PTPA: variants seen among roughly 807,000 people sequenced by gnomAD.
PTPA encodes the protein serine/threonine-protein phosphatase 2A activator.
Under a neutral mutation model 43.6 loss-of-function variants are expected in PTPA, and 13 were observed. The observed-to-expected ratio is 0.30, with a 90% CI of 0.19 to 0.47. The LOEUF (loss-of-function observed/expected upper bound fraction) is 0.47. Among genes scored for constraint, PTPA ranks in the 20% least tolerant of loss-of-function variants. The probability of loss-of-function intolerance (pLI) is 0.99; values close to 1 mark genes in which losing one functional copy is unlikely to be tolerated. For synonymous variants in PTPA, 172 were observed against 158.2 expected (o/e 1.09, Z -0.66); for missense variants, 329 against 411.9 (o/e 0.80, Z 1.74).
rs1564185626 is a variant in PTPA, at chr9:129,120,538, C to G, written c.57C>G (p.Ala19=). 6.2e-7 allele frequency: 1 copy of G among 1,613,436 alleles called. No individual in the cohort carries two copies. The highest frequency in any genetic ancestry group is 1.3e-5 in the African/African-American group (1 of 74,852). Residue 19 remains alanine (A), a synonymous_variant, in exon 2 of 10, where the codon GCC becomes GCG. Transcript: ENST00000393370. ...PPDSSEEAPP[A]TQNFIIPKKE... ...ATTCTTCAGAGGAGGCCCCTCCAGC[C>G]ACTCAGAACTTCATCATTCCAAAAA...
chr9:129,118,692 T>A (rs2131548688), intron 1 of PTPA, among the ~76,000 whole-genome samples: 1 of 151,942 alleles, frequency 6.6e-6, no homozygotes, highest in African/African-American at 2.4e-5. Flanking sequence ...TTTTTTTTTT[T>A]AAAGTAGAGA....
At chr9:129,121,472 C>CGGCCT (rs1179552995) in intron 2 of PTPA, among the ~76,000 whole-genome samples, 1 of 152,228 alleles carries the variant, frequency 6.6e-6, no homozygotes, top group Non-Finnish European at 1.5e-5. Context: ...ACAGTCCCTT[C>CGGCCT]AGCCTAGGGG....
At chr9:129,112,409 C>T (rs767585074) in intron 1 of PTPA, among the ~76,000 whole-genome samples, 13 of 152,282 alleles carry the variant, frequency 8.5e-5, no homozygotes, top group East Asian at 1.9e-4. Flanking sequence ...CCGACAGAGG[C>T]AAATAGGTTG....
At chr9:129,123,017 C>T (rs1343796253) in intron 2 of PTPA, 35 bp from the exon 3 acceptor site, 2 of 1,539,248 alleles carry the variant, frequency 1.3e-6, no homozygotes, top group African/African-American at 1.4e-5. Flanking sequence ...TCTGCCACCC[C>T]TCTCCCCATC....
upstream of PTPA, chr9:129,110,982 A>G (rs753450286): frequency 7.3e-7 from 1 of 1,370,930 alleles, no homozygotes; most frequent in Non-Finnish European, 9.8e-7. The surrounding 1 kb of genome is among the most constrained non-coding windows in gnomAD (Gnocchi z 5.3). Flanking sequence ...GGAGGAGGTC[A>G]CCGTCCAGCT....
rs1849187254 is a variant in PTPA, at chr9:129,120,556, T to C, written c.75T>C (p.Ile25=). 6.3e-7 allele frequency: 1 copy of C among 1,596,058 alleles called. No homozygotes were observed. The highest frequency in any genetic ancestry group is 1.1e-5 in the South Asian group (1 of 89,142). Residue 25 remains isoleucine, a synonymous_variant, in exon 2 of 10, where the codon ATT becomes ATC. Transcript: ENST00000393370. ...EAPPATQNFI[I]PKKEIHTVPD... ...CTCCAGCCACTCAGAACTTCATCATTCCAAAAAAGGAGATCCACACAGTTC... is the reference window on the plus strand; with the variant it reads ...CTCCAGCCACTCAGAACTTCATCATCCCAAAAAAGGAGATCCACACAGTTC...
At chr9:129,126,144 G>A (rs918329849) in intron 3 of PTPA, among the ~76,000 whole-genome samples, 7 of 151,042 alleles carry the variant, frequency 4.6e-5, no homozygotes, top group East Asian at 1.9e-4. Flanking sequence ...GCGAGACTTC[G>A]TCTCAAAAAG....
chr9:129,136,411 A>T (rs575165988), intron 6 of PTPA, 60 bp from the exon 7 acceptor site: 1 of 1,528,166 alleles, frequency 6.5e-7, no homozygotes, highest in African/African-American at 1.4e-5. Flanking sequence ...CCAGTGGCCG[A>T]AAGGGTGAGA....
intron 4 of PTPA, among the ~76,000 whole-genome samples, chr9:129,130,629 G>A (rs933908713): frequency 1.3e-5 from 2 of 152,138 alleles, no homozygotes; most frequent in Non-Finnish European, 2.9e-5. Flanking sequence ...CTGGCCTCAG[G>A]TGATCCGCCC....
intron 6 of PTPA, among the ~76,000 whole-genome samples, chr9:129,135,635 C>T (rs1457425011): frequency 6.6e-6 from 1 of 152,258 alleles, no homozygotes; most frequent in African/African-American, 2.4e-5. Context: ...CCACACCACC[C>T]AAGCCAGTCG....
chr9:129,130,978 A>T (rs1050130536), intron 4 of PTPA, among the ~76,000 whole-genome samples: 1 of 152,068 alleles, frequency 6.6e-6, no homozygotes, highest in Non-Finnish European at 1.5e-5. Context: ...CCATGTTTTC[A>T]TGTCTAGCTA....
intron 9 of PTPA, among the ~76,000 whole-genome samples, chr9:129,145,045 C>A (rs1851204391): frequency 7.0e-6 from 1 of 142,466 alleles, no homozygotes; most frequent in Non-Finnish European, 1.5e-5. Flanking sequence ...AGAAAAAAAT[C>A]ACTGGTTGGG....
At chr9:129,130,362 C>T (rs1788438498) in intron 4 of PTPA, among the ~76,000 whole-genome samples, 1 of 151,804 alleles carries the variant, frequency 6.6e-6, no homozygotes, top group African/African-American at 2.4e-5. Context: ...AGTGCTGTTC[C>T]CAAGAGACGC....
In PTPA at chr9:129,111,559, A is replaced by T. The variant is rs1431657368; in HGVS notation, c.-42A>T. Reference sequence around the variant, plus strand: ...GGTGGGTGCAAGAGTGAAAGGCGAGAGGGGACTGCAAGCATCCGGGTCGGC... The same window carrying T: ...GGTGGGTGCAAGAGTGAAAGGCGAGTGGGGACTGCAAGCATCCGGGTCGGC... On this transcript the variant is annotated 5_prime_UTR_variant, in exon 1 of 10. Transcript: ENST00000393370. The T allele has an allele frequency of 6.2e-6, 8 of 1,289,696 alleles. No homozygotes were observed. Among genetic ancestry groups the T allele is most frequent in the African/African-American group, 1.6e-5 (1 of 64,500 alleles). 79.9% of individuals were successfully genotyped at this position (1,289,696 alleles called of 1,614,324 possible). A position where few individuals can be genotyped will look rare whatever the true frequency, so the allele number is the denominator to read the frequency against.
chr9:129,120,750 C>T, intron 2 of PTPA, 140 bp downstream of exon 2: 1 of 675,564 alleles, frequency 1.5e-6, no homozygotes, highest in Admixed American at 2.8e-5. Context: ...GACAGGGGAG[C>T]TGGCTGTCTC....
In PTPA at chr9:129,147,521, C is replaced by G; in HGVS notation, c.*57C>G. 1 of 1,536,992 alleles carries G rather than the reference C, an allele frequency of 6.5e-7. No individual in the cohort carries two copies. Among genetic ancestry groups the G allele is most frequent in the Non-Finnish European group, 9.0e-7 (1 of 1,115,594 alleles). ...CAGTTCCTGTGCCTGCCTTCCCCAC[C>G]CCAGCAGTGGCCCCTCCCCATCCCC... On this transcript the variant is annotated 3_prime_UTR_variant, in exon 10 of 10. Coordinates refer to ENST00000393370, the MANE Select transcript of PTPA (RefSeq NM_178000.3).
chr9:129,113,480 G>A (rs898064171), intron 1 of PTPA, among the ~76,000 whole-genome samples: 4 of 151,616 alleles, frequency 2.6e-5, no homozygotes, highest in African/African-American at 9.7e-5. Context: ...AGAAGTTCTG[G>A]TGATGACTCC....
chr9:129,143,609 G>A (rs778395578), intron 9 of PTPA: 2 of 609,498 alleles, frequency 3.3e-6, no homozygotes, highest in Non-Finnish European at 5.9e-6. Flanking sequence ...TCCTGAAGGG[G>A]TTAATGAGGC....
Position 129,141,346 on chromosome 9 carries a change from T to C in PTPA, c.787-1099T>C, listed in dbSNP as rs17508958. ...TTTTCTCCTTCAAAAAATAACCCAG[T>C]CTCCCCTGACACCCGCATGTTTCTA... On this transcript the variant is annotated intron_variant, in intron 8 of 9. Coordinates refer to ENST00000393370, the MANE Select transcript of PTPA (RefSeq NM_178000.3). 2.1e-3 allele frequency among the ~76,000 whole-genome samples: 318 copies of C among 152,132 alleles called. 1 individual carries two copies. The highest frequency in any genetic ancestry group is 7.4e-3 in the African/African-American group (308 of 41,504).
Sources: gnomAD v4.1 joint callset for allele counts (sites outside exome capture counted in the v4.1 genomes callset) on GRCh38, gnomAD v4.1.1 for gene constraint, Gnocchi (gnomAD v3.1) non-coding constraint, MANE v1.5 for transcripts, NCBI Gene and HGNC (gene_info 2026-07-23, HGNC 2026-07-21) for gene names.